The following PTPN11 variants were observed in gnomAD, a reference collection of about 807,000 sequenced individuals.
The protein encoded by PTPN11 is protein tyrosine phosphatase non-receptor type 11.
Under a neutral mutation model 78.8 loss-of-function variants are expected in PTPN11, and 6 were observed. That is an observed-to-expected ratio of 0.08 (90% CI 0.04 to 0.15). The LOEUF (loss-of-function observed/expected upper bound fraction) is 0.15. Ranked by LOEUF, PTPN11 falls within the 10% of genes least tolerant of loss-of-function variation. PTPN11 has a pLI of 1.00. For missense variants in PTPN11, 386 were observed against 744.8 expected, an observed-to-expected ratio of 0.52 and a Z score of 5.61; for synonymous variants, 221 against 263.5, an observed-to-expected ratio of 0.84 and a Z score of 1.56.
At chr12:112,466,762 C>T (rs983763096) in intron 6 of PTPN11, among the ~76,000 whole-genome samples, 1 of 152,068 alleles carries the variant, frequency 6.6e-6, no homozygotes, top group African/African-American at 2.4e-5. Context: ...GTTGGTCTGG[C>T]CGTAATGGTG....
intron 1 of PTPN11, among the ~76,000 whole-genome samples, chr12:112,431,622 G>A (rs1421220179): frequency 6.6e-6 from 1 of 152,100 alleles, no homozygotes; most frequent in East Asian, 1.9e-4. Context: ...GGAGGAAATC[G>A]GAGACGTGAT....
intron 3 of PTPN11, among the ~76,000 whole-genome samples, chr12:112,451,215 C>T (rs940573636): frequency 6.6e-5 from 10 of 152,070 alleles, no homozygotes; most frequent in African/African-American, 1.9e-4. Context: ...CAGCTTATAC[C>T]TTTATGTCAG....
chr12:112,495,499 T>C (rs556135525), intron 13 of PTPN11, among the ~76,000 whole-genome samples: 2 of 152,352 alleles, frequency 1.3e-5, no homozygotes, highest in East Asian at 3.9e-4. Context: ...TATTGTTAAG[T>C]GTTCTCATCA....
chr12:112,502,020 A>C, intron 13 of PTPN11, 124 bp from the exon 14 acceptor site: 1 of 736,232 alleles, frequency 1.4e-6, no homozygotes, highest in Non-Finnish European at 2.4e-6. Context: ...AGTATTCTCA[A>C]CCCGTCTATC....
intron 7 of PTPN11, among the ~76,000 whole-genome samples, chr12:112,473,995 A>G (rs2038458768): frequency 6.6e-6 from 1 of 151,100 alleles, no homozygotes; most frequent in African/African-American, 2.4e-5. Flanking sequence ...CGATTCTCCC[A>G]CCTCAGCCTC....
In PTPN11 at chr12:112,477,884, T is replaced by G; in HGVS notation, c.961T>G (p.Ser321Ala). 1.9e-6 allele frequency: 3 copies of G among 1,614,132 alleles called. No individual in the cohort carries two copies. The highest frequency in any genetic ancestry group is 2.5e-6 in the Non-Finnish European group (3 of 1,180,020). Residue 321 changes from serine to alanine, a missense_variant, in exon 9 of 16, where the codon TCA becomes GCA. This residue lies in a region of PTPN11 where 279 missense variants were observed against 503.3 expected (regional missense o/e 0.55). Coordinates refer to ENST00000351677, the MANE Select transcript of PTPN11 (RefSeq NM_002834.5). ...TGAATTTGAAACCAAGTGCAACAAT[T>G]CAAAGCCCAAAAAGAGTTACATTGC... Reference protein sequence around the residue: ...MPEFETKCNNSKPKKSYIATQ... With the variant: ...MPEFETKCNNAKPKKSYIATQ...
intron 7 of PTPN11, among the ~76,000 whole-genome samples, chr12:112,477,350 AAGTTACACATAT>A (rs905493902): frequency 1.3e-5 from 2 of 152,164 alleles, no homozygotes; most frequent in African/African-American, 4.8e-5. Context: ...AACTCATAAG[AAGTTACACATAT>A]AGTAGAGAGA....
intron 6 of PTPN11, among the ~76,000 whole-genome samples, chr12:112,459,908 T>TACAC (rs56846748): frequency 0.046 from 6,748 of 146,934 alleles, 176 homozygotes; most frequent in Middle Eastern, 0.048. Context: ...TCCTGATTGC[T>TACAC]ACACACACAC....
chr12:112,464,514 C>T (rs1241699622), intron 6 of PTPN11, among the ~76,000 whole-genome samples: 3 of 151,166 alleles, frequency 2.0e-5, no homozygotes, highest in African/African-American at 7.3e-5. Flanking sequence ...TCACTGCAAC[C>T]TCCACCTCCC....
intron 7 of PTPN11, among the ~76,000 whole-genome samples, chr12:112,474,244 G>GGAGGCT (rs1283674118): frequency 6.6e-6 from 1 of 152,108 alleles, no homozygotes; most frequent in Non-Finnish European, 1.5e-5. Context: ...CAGCTACTTG[G>GGAGGCT]GAGGCTGAGG....
chr12:112,450,556 G>T (rs372902758), intron 3 of PTPN11, 44 bp downstream of exon 3: 394 of 1,570,822 alleles, frequency 2.5e-4, no homozygotes, highest in Non-Finnish European at 3.3e-4. Flanking sequence ...GCTCCCTTGT[G>T]CCCTGAGTGT....
rs1195968875 is a variant in PTPN11, at chr12:112,418,956, G to T, written c.-156G>T. On this transcript the variant is annotated 5_prime_UTR_variant, in exon 1 of 16. Transcript: ENST00000351677. ...CGGGGGGCAGCTGCACAGTCTCCGG[G>T]ATCCCCAGGCCTGGAGGGGGGTCTG... The T allele has an allele frequency of 3.4e-6, 3 of 873,896 alleles. No individual in the cohort carries two copies. The highest frequency in any genetic ancestry group is 3.3e-4 in the Middle Eastern group (1 of 3,062). 54.1% of individuals were successfully genotyped at this position (873,896 alleles called of 1,614,324 possible). A position where few individuals can be genotyped will look rare whatever the true frequency, so the allele number is the denominator to read the frequency against.
At position 112,442,830 on chromosome 12, in the gene PTPN11, TTATATATATATATATATA is replaced by T. The variant is rs71086107; in HGVS notation, c.15-3415_15-3398del. Among the ~76,000 whole-genome samples the T allele has an allele frequency of 7.7e-3, 335 of 43,524 alleles. 9 individuals are homozygous for T. The highest frequency in any genetic ancestry group is 0.034 in the East Asian group (142 of 4,178). 28.6% of individuals were successfully genotyped at this position (43,524 alleles called of 152,430 possible). ...CTCTCTCCTCTCTCTCTCTCTCTTT[TTATATATATATATATATA>T]TATATATATATATATATATATATAT... On this transcript the variant is annotated intron_variant, in intron 1 of 15. Transcript: ENST00000351677.
chr12:112,429,555 A>G (rs2037677907), intron 1 of PTPN11, among the ~76,000 whole-genome samples: 1 of 143,116 alleles, frequency 7.0e-6, no homozygotes, highest in Non-Finnish European at 1.5e-5. Flanking sequence ...TAATCCCCGC[A>G]CTTTGGGAGG....
Position 112,419,144 on chromosome 12 carries a change from C to T in PTPN11, c.14+19C>T. 2.0e-6 allele frequency: 3 copies of T among 1,507,176 alleles called. No individual in the cohort carries two copies. Among genetic ancestry groups the T allele is most frequent in the Non-Finnish European group, 2.7e-6 (3 of 1,131,276 alleles). 93.4% of individuals were successfully genotyped at this position (1,507,176 alleles called of 1,614,324 possible). A position where few individuals can be genotyped will look rare whatever the true frequency, so the allele number is the denominator to read the frequency against. On this transcript the variant is annotated intron_variant, in intron 1 of 15. Transcript: ENST00000351677. ...CGCGGAGGTGAGGAGCCCCGAGGGG[C>T]CCGGCGCGGGCCTCGGCCCGGCCAC... is the stretch of plus-strand genomic sequence containing the variant.
At chr12:112,496,822 T>A (rs2135924473) in intron 13 of PTPN11, among the ~76,000 whole-genome samples, 1 of 152,282 alleles carries the variant, frequency 6.6e-6, no homozygotes, top group Non-Finnish European at 1.5e-5. Flanking sequence ...TCTCTACACT[T>A]CAGTATACAG....
intron 1 of PTPN11, among the ~76,000 whole-genome samples, chr12:112,444,548 C>T (rs2037961129): frequency 6.6e-6 from 1 of 152,118 alleles, no homozygotes; most frequent in Non-Finnish European, 1.5e-5. Context: ...CCATGTTGGT[C>T]AGGCTGCTCC....
chr12:112,492,695 T>G (rs2038762227), intron 13 of PTPN11, among the ~76,000 whole-genome samples: 1 of 152,030 alleles, frequency 6.6e-6, no homozygotes, highest in Non-Finnish European at 1.5e-5. Context: ...TTTTTTGTAT[T>G]TTTAGTAGAG....
intron 14 of PTPN11, among the ~76,000 whole-genome samples, chr12:112,503,543 CTTCT>C (rs770527091): frequency 1.3e-5 from 2 of 152,144 alleles, no homozygotes; most frequent in Non-Finnish European, 2.9e-5. Flanking sequence ...CAAGTTGCCA[CTTCT>C]TTCTATCTTT....
Sources: allele counts gnomAD v4.1 joint callset (sites outside exome capture counted in the v4.1 genomes callset), GRCh38; gene constraint gnomAD v4.1.1; regional missense constraint gnomAD v4.1.1; transcripts MANE v1.5; gene names NCBI Gene and HGNC (gene_info 2026-07-23, HGNC 2026-07-21).